The following CPQ variants were observed in gnomAD, a reference collection of about 807,000 sequenced individuals.
CPQ encodes Ser-Met dipeptidase.
In CPQ, 37 loss-of-function variants were observed where a neutral mutation model predicts 45.7. The observed-to-expected ratio is 0.81, with a 90% CI of 0.62 to 1.07. CPQ has a LOEUF of 1.07. Among genes scored for constraint, CPQ ranks in the 50% least tolerant of loss-of-function variants. The pLI, the probability that CPQ is intolerant of heterozygous loss-of-function variation, is 0.00. For synonymous variants in CPQ, 186 were observed against 205.8 expected (o/e 0.90, Z 0.82); for missense variants, 537 against 572.9 (o/e 0.94, Z 0.64).
intron 4 of CPQ, among the ~76,000 whole-genome samples, chr8:96,922,863 A>G (rs1812826953): frequency 6.6e-6 from 1 of 152,216 alleles, no homozygotes; most frequent in African/African-American, 2.4e-5. Flanking sequence ...GAGTACATAC[A>G]TGACTGGTTT....
At chr8:97,049,728 A>G (rs1468045751) in intron 6 of CPQ, among the ~76,000 whole-genome samples, 3 of 152,230 alleles carry the variant, frequency 2.0e-5, no homozygotes, top group Admixed American at 6.5e-5. Context: ...TAAACTGACA[A>G]TATCATACAG....
chr8:96,766,960 A>G (rs1810475576), intron 1 of CPQ, among the ~76,000 whole-genome samples: 1 of 151,966 alleles, frequency 6.6e-6, no homozygotes, highest in African/African-American at 2.4e-5. Flanking sequence ...TCCAAACCCA[A>G]ATCACCTTCT....
At chr8:97,134,216 G>T (rs1031832070) in intron 7 of CPQ, among the ~76,000 whole-genome samples, 1 of 152,330 alleles carries the variant, frequency 6.6e-6, no homozygotes, top group Middle Eastern at 3.4e-3. Flanking sequence ...TCCACTAAGT[G>T]CCAGGCATTG....
At chr8:96,654,376 G>A (rs573545155) in intron 1 of CPQ, among the ~76,000 whole-genome samples, 44 of 152,250 alleles carry the variant, frequency 2.9e-4, no homozygotes, top group Non-Finnish European at 5.4e-4. Flanking sequence ...ACTTATTGTT[G>A]GCTTGATGGC....
At position 96,970,859 on chromosome 8, in the gene CPQ, G is replaced by A. The variant is rs1000556141; in HGVS notation, c.961+4813G>A. Among the ~76,000 whole-genome samples the A allele has an allele frequency of 2.6e-5, 4 of 152,120 alleles. No homozygotes were observed. The East Asian group carries it at 5.8e-4, about 22-fold the overall frequency. On this transcript the variant is annotated intron_variant, in intron 5 of 7. Coordinates refer to ENST00000220763, the MANE Select transcript of CPQ (RefSeq NM_016134.4). ...ATTACAGGCGTGAGCCACCGCGCCC[G>A]GCCACTCTTAAGTACTTTATAATAT...
intron 5 of CPQ, among the ~76,000 whole-genome samples, chr8:97,019,472 C>T (rs1265599217): frequency 1.3e-5 from 2 of 152,130 alleles, no homozygotes; most frequent in Non-Finnish European, 2.9e-5. Flanking sequence ...CATCTGCTGC[C>T]TTCAGAGACA....
intron 4 of CPQ, among the ~76,000 whole-genome samples, chr8:96,918,488 A>T (rs908922848): frequency 1.3e-5 from 2 of 152,042 alleles, no homozygotes; most frequent in Admixed American, 6.6e-5. Context: ...CTTTTCCCAC[A>T]TGATCAAACT....
chr8:96,878,998 A>G (rs1812184635), intron 3 of CPQ, among the ~76,000 whole-genome samples: 1 of 152,216 alleles, frequency 6.6e-6, no homozygotes. Context: ...GTGAAAAGGA[A>G]CAGTTTGAAA....
At chr8:96,807,247 A>G (rs1456316009) in intron 2 of CPQ, among the ~76,000 whole-genome samples, 1 of 150,320 alleles carries the variant, frequency 6.7e-6, no homozygotes, top group East Asian at 2.0e-4. Context: ...TTTATTTTTT[A>G]TTTTTTGAGA....
intron 1 of CPQ, among the ~76,000 whole-genome samples, chr8:96,760,483 G>A (rs1440893114): frequency 6.6e-6 from 1 of 152,150 alleles, no homozygotes; most frequent in East Asian, 1.9e-4. Flanking sequence ...GTAGGAGTGG[G>A]CTCAGTGGTG....
intron 4 of CPQ, among the ~76,000 whole-genome samples, chr8:96,910,974 G>A (rs543395762): frequency 1.1e-4 from 17 of 151,680 alleles, no homozygotes; most frequent in Non-Finnish European, 1.9e-4. Flanking sequence ...TGTTACACCA[G>A]TACATGTAGG....
At chr8:96,854,387 A>T (rs3926983) in intron 3 of CPQ, among the ~76,000 whole-genome samples, 1 of 147,654 alleles carries the variant, frequency 6.8e-6, no homozygotes, top group Admixed American at 6.7e-5. Flanking sequence ...AAAAATTAGC[A>T]GGGCGTAGTG....
chr8:96,927,470 A>G lies in CPQ; in HGVS notation c.850-38465A>G, dbSNP rs181425738. On this transcript the variant is annotated intron_variant, in intron 4 of 7. Transcript: ENST00000220763. ...GTCACTCTGGACTTCATACCTTTCC[A>G]AGGCAAGGAAAGGCCAAGCCCCAGG... 1.4e-3 allele frequency among the ~76,000 whole-genome samples: 208 copies of G among 152,142 alleles called. 2 individuals carry two copies. Among genetic ancestry groups the G allele is most frequent in the Admixed American group, 0.01 (153 of 15,282 alleles).
intron 1 of CPQ, among the ~76,000 whole-genome samples, chr8:96,768,655 C>T (rs1302382528): frequency 6.6e-6 from 1 of 152,160 alleles, no homozygotes; most frequent in African/African-American, 2.4e-5. Context: ...AACTTAACAG[C>T]TGTTTAGTGA....
At chr8:96,752,928 C>A (rs1409001552) in intron 1 of CPQ, among the ~76,000 whole-genome samples, 1 of 152,048 alleles carries the variant, frequency 6.6e-6, no homozygotes, top group East Asian at 1.9e-4. Flanking sequence ...TTCCATTAAC[C>A]AGTGTCATTC....
rs111317448 is a variant in CPQ at position 96,738,176 on chromosome 8, G to A, written c.-34-46688G>A. 3.2e-3 allele frequency among the ~76,000 whole-genome samples: 483 copies of A among 152,158 alleles called. 6 individuals carry two copies. The highest frequency in any genetic ancestry group is 0.011 in the African/African-American group (466 of 41,544). ...TTTATAAACCGTGTGTGCTTGAAAAGAATGTGTATTCTCAAGTTGTTGGAT... is the reference window on the plus strand; with the variant it reads ...TTTATAAACCGTGTGTGCTTGAAAAAAATGTGTATTCTCAAGTTGTTGGAT... On this transcript the variant is annotated intron_variant, in intron 1 of 7. Coordinates refer to ENST00000220763, the MANE Select transcript of CPQ (RefSeq NM_016134.4).
chr8:97,080,933 T>TTTCC (rs762353071), intron 7 of CPQ, among the ~76,000 whole-genome samples: 2 of 151,696 alleles, frequency 1.3e-5, no homozygotes, highest in South Asian at 2.1e-4. Context: ...TCCTTCCTTC[T>TTTCC]TTCCTTCCTT....
chr8:96,925,594 G>T (rs565436883), intron 4 of CPQ, among the ~76,000 whole-genome samples: 13 of 152,212 alleles, frequency 8.5e-5, no homozygotes, highest in Admixed American at 3.3e-4. Flanking sequence ...GGTTAGCCAG[G>T]CTGGTCTCGA....
chr8:96,827,749 T>C (rs1425952570), intron 2 of CPQ, among the ~76,000 whole-genome samples: 1 of 152,086 alleles, frequency 6.6e-6, no homozygotes, highest in Non-Finnish European at 1.5e-5. Context: ...GTTAAGTAGC[T>C]TATTCAGGAT....
Sources: allele counts gnomAD v4.1 joint callset (sites outside exome capture counted in the v4.1 genomes callset), GRCh38; gene constraint gnomAD v4.1.1; transcripts MANE v1.5; gene names NCBI Gene and HGNC (gene_info 2026-07-23, HGNC 2026-07-21).